NEDD4L: variants seen among roughly 807,000 people sequenced by gnomAD.
The protein encoded by NEDD4L is E3 ubiquitin-protein ligase NEDD4-like.
NEDD4L carries 54 observed loss-of-function variants against 148.9 expected under a neutral mutation model. That is an observed-to-expected ratio of 0.36 (90% CI 0.29 to 0.45). The LOEUF (loss-of-function observed/expected upper bound fraction) is 0.45, where lower values mean the gene tolerates loss of function less well. Ranked by LOEUF, NEDD4L falls within the 20% of genes least tolerant of loss-of-function variation. NEDD4L has a pLI of 1.00. For synonymous variants in NEDD4L, 433 were observed against 440.7 expected, an observed-to-expected ratio of 0.98 and a Z score of 0.22; for missense variants, 856 against 1,233.8, an observed-to-expected ratio of 0.69 and a Z score of 4.59.
intron 1 of NEDD4L, among the ~76,000 whole-genome samples, chr18:58,065,872 C>T (rs762045650): frequency 6.6e-5 from 10 of 152,088 alleles, no homozygotes; most frequent in Admixed American, 2.0e-4. Flanking sequence ...ACTGGGAACC[C>T]GGCTTCAAAG....
intron 1 of NEDD4L, among the ~76,000 whole-genome samples, chr18:58,096,485 C>T (rs904407794): frequency 1.3e-5 from 2 of 151,834 alleles, no homozygotes; most frequent in Non-Finnish European, 2.9e-5. Flanking sequence ...CTCGCTGCAA[C>T]CTGCACCTCC....
chr18:58,230,089 A>G (rs948333341), intron 2 of NEDD4L, among the ~76,000 whole-genome samples: 18 of 152,338 alleles, frequency 1.2e-4, no homozygotes, highest in African/African-American at 4.1e-4. Context: ...TAAGAATGTA[A>G]GCAACTGGAA....
chr18:58,357,600 A>G, intron 19 of NEDD4L: 1 of 441,150 alleles, frequency 2.3e-6, no homozygotes, highest in Non-Finnish European at 4.3e-6. Flanking sequence ...AAGTGTTATC[A>G]TTTCTTTAGG....
rs539602615 is a variant in NEDD4L, at chr18:58,328,918, G to A, written c.681-77G>A. ...CACTTTAGTGGCCATCTGGCCCTCC[G>A]TGAGCATTGAACTGTCATGAAGGGC... is the stretch of plus-strand genomic sequence containing the variant. On this transcript the variant is annotated intron_variant, in intron 9 of 30. Transcript: ENST00000400345. 4.3e-5 allele frequency: 66 copies of A among 1,549,608 alleles called. No individual in the cohort carries two copies. The African/African-American group carries it at 5.0e-4, about 12-fold the overall frequency.
At chr18:58,190,090 A>G (rs2039939401) in intron 2 of NEDD4L, 1 of 152,236 alleles carries the variant, frequency 6.6e-6, no homozygotes, top group African/African-American at 2.4e-5. Flanking sequence ...TGGTAGGAGT[A>G]TAAGTTATAT....
At chr18:58,118,845 A>G (rs1033998304) in intron 1 of NEDD4L, among the ~76,000 whole-genome samples, 15 of 151,954 alleles carry the variant, frequency 9.9e-5, no homozygotes, top group Non-Finnish European at 1.6e-4. Context: ...CAGTGCTGAC[A>G]TTTCTTGTTC....
At chr18:58,098,085 C>T (rs1013585239) in intron 1 of NEDD4L, among the ~76,000 whole-genome samples, 3 of 152,108 alleles carry the variant, frequency 2.0e-5, no homozygotes, top group African/African-American at 7.2e-5. Context: ...GCTTTCCCTG[C>T]TTAGTTTTAT....
chr18:58,383,142 C>G, intron 24 of NEDD4L, 104 bp from the exon 25 acceptor site: 1 of 680,348 alleles, frequency 1.5e-6, no homozygotes, highest in Non-Finnish European at 2.6e-6. Context: ...GGAAATATTT[C>G]TGAATACATG....
intron 5 of NEDD4L, among the ~76,000 whole-genome samples, chr18:58,306,782 C>T (rs1015285973): frequency 3.9e-5 from 6 of 152,132 alleles, no homozygotes; most frequent in South Asian, 2.1e-4. Context: ...ACCGCCACCA[C>T]GCCCGGCTAA....
At position 58,265,722 on chromosome 18, in the gene NEDD4L, C is replaced by T. The variant is rs899024849; in HGVS notation, c.297+13668C>T. On this transcript the variant is annotated intron_variant, in intron 5 of 30. Transcript: ENST00000400345. ...TGGACCACAGGTACATGTCAACACA[C>T]GCAGCTAATTTTTTAGTTTTTGTAG... Among the ~76,000 whole-genome samples the T allele has an allele frequency of 3.3e-5, 5 of 151,954 alleles. 1 individual carries two copies. In the South Asian group the frequency reaches 6.2e-4, roughly 19 times the overall value.
chr18:58,226,956 T>G (rs2044430669), intron 2 of NEDD4L, among the ~76,000 whole-genome samples: 1 of 152,330 alleles, frequency 6.6e-6, no homozygotes, highest in Admixed American at 6.5e-5. Context: ...TATATTTTTG[T>G]TAGAGTCTGC....
At chr18:58,178,047 G>T (rs957853914) in intron 2 of NEDD4L, among the ~76,000 whole-genome samples, 1 of 152,204 alleles carries the variant, frequency 6.6e-6, no homozygotes, top group Non-Finnish European at 1.5e-5. Context: ...CACTAAAGCA[G>T]CCTTGGGCAA....
intron 16 of NEDD4L, among the ~76,000 whole-genome samples, chr18:58,346,820 G>C (rs970024208): frequency 6.6e-6 from 1 of 152,106 alleles, no homozygotes; most frequent in African/African-American, 2.4e-5. Context: ...TTGCATCAGA[G>C]CCCTCGTTAG....
chr18:58,082,102 A>ATATTTTTTTTTTTTTTTTTTTTTT, intron 1 of NEDD4L, among the ~76,000 whole-genome samples: 11 of 48,832 alleles, frequency 2.3e-4, no homozygotes, highest in Admixed American at 3.3e-4. Flanking sequence ...ATATATATAT[A>ATATTTTTTTTTTTTTTTTTTTTTT]TTTTTTTTTT....
chr18:58,289,078 C>G (rs747195642), intron 5 of NEDD4L, among the ~76,000 whole-genome samples: 1 of 152,176 alleles, frequency 6.6e-6, no homozygotes, highest in Non-Finnish European at 1.5e-5. Flanking sequence ...AACTAGATCA[C>G]TTGTAAAAAT....
chr18:58,162,867 C>T (rs1423558860), intron 1 of NEDD4L, among the ~76,000 whole-genome samples: 1 of 151,860 alleles, frequency 6.6e-6, no homozygotes, highest in East Asian at 1.9e-4. Flanking sequence ...AGTTCAAGAC[C>T]AGCTTGGGCA....
At chr18:58,142,322 A>G (rs139893203) in intron 1 of NEDD4L, among the ~76,000 whole-genome samples, 98 of 136,690 alleles carry the variant, frequency 7.2e-4, no homozygotes, top group Admixed American at 4.0e-3. Context: ...TGCTGGGATT[A>G]CAGGCGTGAA....
intron 1 of NEDD4L, among the ~76,000 whole-genome samples, chr18:58,121,382 C>T (rs889220741): frequency 1.3e-5 from 2 of 152,008 alleles, no homozygotes; most frequent in Non-Finnish European, 2.9e-5. Context: ...GAGATTCTGT[C>T]TGTAGCAAGT....
chr18:58,258,871 G>A (rs1449550049), intron 5 of NEDD4L, among the ~76,000 whole-genome samples: 1 of 152,210 alleles, frequency 6.6e-6, no homozygotes, highest in Non-Finnish European at 1.5e-5. Context: ...GGCAGCAGCT[G>A]CCACCGCCTT....
Sources: gnomAD v4.1 joint callset for allele counts (sites outside exome capture counted in the v4.1 genomes callset) on GRCh38, gnomAD v4.1.1 for gene constraint, MANE v1.5 for transcripts, NCBI Gene and HGNC (gene_info 2026-07-23, HGNC 2026-07-21) for gene names.